TMEM40: variants seen among roughly 807,000 people sequenced by gnomAD.
The protein encoded by TMEM40 is transmembrane protein 40.
In TMEM40, 34 loss-of-function variants were observed where a neutral mutation model predicts 40.8. That is an observed-to-expected ratio of 0.83 (90% CI 0.63 to 1.11). The LOEUF (loss-of-function observed/expected upper bound fraction) is 1.11, where lower values mean the gene tolerates loss of function less well. TMEM40 is among the 50% of genes least tolerant of loss of function. The pLI is 0.00. For missense variants in TMEM40, 296 were observed against 280.2 expected (o/e 1.06, Z -0.40); for synonymous variants, 106 against 107.0 (o/e 0.99, Z 0.06).
chr3:12,754,314 AACAAC>A (rs2061502581), intron 1 of TMEM40, among the ~76,000 whole-genome samples: 1 of 133,810 alleles, frequency 7.5e-6, no homozygotes, highest in Non-Finnish European at 1.7e-5. Context: ...TCCGTCTCAA[AACAAC>A]AACAACAACA....
At chr3:12,748,274 G>A (rs148943648) in intron 3 of TMEM40, among the ~76,000 whole-genome samples, 408 of 152,322 alleles carry the variant, frequency 2.7e-3, no homozygotes, top group African/African-American at 9.2e-3. Flanking sequence ...TAGTGGTAGA[G>A]ACAGGATTTG....
intron 3 of TMEM40, among the ~76,000 whole-genome samples, chr3:12,745,847 AC>A (rs2061423166): frequency 6.6e-6 from 1 of 152,098 alleles, no homozygotes. Context: ...TTAAAAAGTT[AC>A]CCAAACTGCA....
At chr3:12,737,808 G>T (rs2061348978) in intron 7 of TMEM40, 54 bp from the exon 8 acceptor site, 1 of 1,560,710 alleles carries the variant, frequency 6.4e-7, no homozygotes, top group Non-Finnish European at 8.8e-7. Context: ...CGGGAGGTGG[G>T]ATTTTCTTTT....
At chr3:12,767,739 C>T (rs150486573) in intron 1 of TMEM40, among the ~76,000 whole-genome samples, 91 of 152,252 alleles carry the variant, frequency 6.0e-4, no homozygotes, top group Non-Finnish European at 1.1e-3. Flanking sequence ...GCTGATTCAC[C>T]ACCCAGCACT....
upstream of TMEM40, among the ~76,000 whole-genome samples, chr3:12,760,894 C>T (rs572892264): frequency 2.0e-5 from 3 of 152,228 alleles, no homozygotes; most frequent in South Asian, 6.2e-4. Flanking sequence ...GGCATGCACC[C>T]CCACGCCTGG....
chr3:12,740,807 G>A (rs913150069), intron 5 of TMEM40, among the ~76,000 whole-genome samples: 1 of 151,972 alleles, frequency 6.6e-6, no homozygotes, highest in Non-Finnish European at 1.5e-5. Flanking sequence ...GCAGTGAGCC[G>A]AGATGGTACC....
upstream of TMEM40, among the ~76,000 whole-genome samples, chr3:12,760,818 T>C (rs1048387831): frequency 2.2e-4 from 33 of 151,888 alleles, no homozygotes; most frequent in Non-Finnish European, 2.5e-4. Context: ...CATCACTCAC[T>C]GCAAACTCAA....
chr3:12,769,008 G>C (rs1169474364), intron 1 of TMEM40, among the ~76,000 whole-genome samples: 1 of 151,650 alleles, frequency 6.6e-6, no homozygotes, highest in Non-Finnish European at 1.5e-5. Flanking sequence ...CCTGATCCCT[G>C]CCTCTCAGGG....
At chr3:12,744,625 G>A (rs1344592068) in intron 3 of TMEM40, among the ~76,000 whole-genome samples, 2 of 152,190 alleles carry the variant, frequency 1.3e-5, no homozygotes, top group African/African-American at 2.4e-5. Context: ...CCCTGCAAGG[G>A]TGCCCAGCTA....
intron 10 of TMEM40, 109 bp downstream of exon 10, chr3:12,736,469 G>A (rs2061338096): frequency 7.2e-7 from 1 of 1,388,300 alleles, no homozygotes; most frequent in Non-Finnish European, 9.8e-7. Flanking sequence ...TTTTAAAAGT[G>A]TAGATTGTGA....
chr3:12,736,293 C>G (rs1487603210), intron 10 of TMEM40, among the ~76,000 whole-genome samples: 2 of 152,070 alleles, frequency 1.3e-5, no homozygotes, highest in East Asian at 3.9e-4. Flanking sequence ...AGATTACAGA[C>G]ATGCGCCACC....
intron 5 of TMEM40, 85 bp from the exon 6 acceptor site, chr3:12,738,673 C>A: frequency 7.0e-7 from 1 of 1,432,860 alleles, no homozygotes. Flanking sequence ...GGATCCTGCT[C>A]GGAGACTTCC....
intron 5 of TMEM40, among the ~76,000 whole-genome samples, chr3:12,739,850 TTCTC>T (rs2061367606): frequency 6.6e-6 from 1 of 151,244 alleles, no homozygotes. Context: ...TAGAGACAGG[TTCTC>T]TCTCTGTCAT....
upstream of TMEM40, chr3:12,759,588 G>A (rs143790489): frequency 6.9e-3 from 1,060 of 152,578 alleles, 5 homozygotes; most frequent in Middle Eastern, 0.014. Flanking sequence ...ACCCACATTG[G>A]TGAGGCTGAC....
intron 1 of TMEM40, among the ~76,000 whole-genome samples, chr3:12,755,699 C>T (rs1487062699): frequency 2.0e-5 from 3 of 152,292 alleles, no homozygotes; most frequent in East Asian, 1.9e-4. Flanking sequence ...ACCCTTGGCT[C>T]ATATGTCAGA....
intron 1 of TMEM40, among the ~76,000 whole-genome samples, chr3:12,764,992 C>T (rs1416605312): frequency 6.6e-6 from 1 of 152,028 alleles, no homozygotes; most frequent in African/African-American, 2.4e-5. Flanking sequence ...CTGCCTCAGC[C>T]TCCCGAGTAG....
Position 12,743,880 on chromosome 3 carries a change from T to G in TMEM40, c.301+20A>C. Reference sequence around the variant, plus strand: ...GGTGAGCGAGTGGGCAAAAGAAAAATGGTAAGGCCTATTTCCTACCGGGTG... The same window carrying G: ...GGTGAGCGAGTGGGCAAAAGAAAAAGGGTAAGGCCTATTTCCTACCGGGTG... On this transcript the variant is annotated intron_variant, in intron 4 of 11. Coordinates refer to ENST00000314124, the MANE Select transcript of TMEM40 (RefSeq NM_018306.4). 6.2e-7 allele frequency: 1 copy of G among 1,608,132 alleles called. No individual in the cohort carries two copies. The highest frequency in any genetic ancestry group is 8.5e-7 in the Non-Finnish European group (1 of 1,176,442).
In TMEM40 at chr3:12,738,120, G is replaced by C; in HGVS notation, c.424+16C>G. The C allele has an allele frequency of 6.2e-7, 1 of 1,613,596 alleles. No homozygotes were observed. The highest frequency in any genetic ancestry group is 8.5e-7 in the Non-Finnish European group (1 of 1,179,814). Reference sequence around the variant, plus strand: ...CACACCCGCTCTGGCTCTCCTATTTGAGCTTGTGTATTTACCACTTGCTGG... The same window carrying C: ...CACACCCGCTCTGGCTCTCCTATTTCAGCTTGTGTATTTACCACTTGCTGG... On this transcript the variant is annotated intron_variant, in intron 7 of 11. Transcript: ENST00000314124.
At chr3:12,749,929 A>C in intron 1 of TMEM40, 89 bp from the exon 2 acceptor site, 1 of 1,220,506 alleles carries the variant, frequency 8.2e-7, no homozygotes, top group Non-Finnish European at 1.2e-6. Context: ...AGAAAAAGAC[A>C]AACACTCAAC....
Sources: gnomAD v4.1 joint callset for allele counts (sites outside exome capture counted in the v4.1 genomes callset) on GRCh38, gnomAD v4.1.1 for gene constraint, MANE v1.5 for transcripts, NCBI Gene and HGNC (gene_info 2026-07-23, HGNC 2026-07-21) for gene names.